Variants in RBMS3 observed in about 807,000 individuals in gnomAD.
The protein encoded by RBMS3 is RNA-binding motif, single-stranded-interacting protein 3.
Under a neutral mutation model 66.8 loss-of-function variants are expected in RBMS3, and 27 were observed. That is an observed-to-expected ratio of 0.40 (90% confidence interval 0.30 to 0.56). RBMS3 has a LOEUF of 0.56. Among genes scored for constraint, RBMS3 ranks in the 20% least tolerant of loss-of-function variants. The probability of loss-of-function intolerance (pLI) is 0.40; values close to 1 mark genes in which losing one functional copy is unlikely to be tolerated. For synonymous variants in RBMS3, 188 were observed against 183.0 expected (o/e 1.03, Z -0.22); for missense variants, 513 against 549.5 (o/e 0.93, Z 0.66).
chr3:29,995,658 A>T (rs922716416), intron 14 of RBMS3, among the ~76,000 whole-genome samples: 15 of 152,108 alleles, frequency 9.9e-5, no homozygotes, highest in African/African-American at 3.6e-4. Context: ...TTTCATATCC[A>T]GCCAAACTAA....
At chr3:29,541,842 C>G (rs1411426900) in intron 3 of RBMS3, among the ~76,000 whole-genome samples, 5 of 152,120 alleles carry the variant, frequency 3.3e-5, no homozygotes, top group Non-Finnish European at 5.9e-5. Flanking sequence ...CCGCAGCCCT[C>G]AGCCCTACTG....
At chr3:29,546,708 T>C (rs539746512) in intron 3 of RBMS3, among the ~76,000 whole-genome samples, 2 of 152,136 alleles carry the variant, frequency 1.3e-5, no homozygotes, top group Admixed American at 6.5e-5. Context: ...TATGATTGCA[T>C]TGGGCTGGGA....
At chr3:29,286,484 C>G (rs2032346972) in intron 1 of RBMS3, among the ~76,000 whole-genome samples, 1 of 151,950 alleles carries the variant, frequency 6.6e-6, no homozygotes, top group Admixed American at 6.6e-5. Flanking sequence ...TGGATTCAAA[C>G]TTAAGGAAAA....
chr3:29,953,304 A>G (rs1332045904), intron 12 of RBMS3, among the ~76,000 whole-genome samples: 1 of 151,908 alleles, frequency 6.6e-6, no homozygotes, highest in Non-Finnish European at 1.5e-5. Flanking sequence ...AATGTTAGAC[A>G]GAAAAAGGAG....
At chr3:29,467,441 A>T (rs1331054071) in intron 2 of RBMS3, among the ~76,000 whole-genome samples, 1 of 152,204 alleles carries the variant, frequency 6.6e-6, no homozygotes, top group African/African-American at 2.4e-5. Flanking sequence ...TATGTGTGTC[A>T]TGAAGCTGTG....
At chr3:29,835,765 T>C (rs2058489963) in intron 6 of RBMS3, among the ~76,000 whole-genome samples, 1 of 151,092 alleles carries the variant, frequency 6.6e-6, no homozygotes. Context: ...AGGAAGGAGA[T>C]AATAAAGATC....
intron 11 of RBMS3, among the ~76,000 whole-genome samples, chr3:29,942,356 A>G (rs2061411897): frequency 6.6e-6 from 1 of 150,508 alleles, no homozygotes; most frequent in Non-Finnish European, 1.5e-5. Context: ...CCATCACAAT[A>G]AAAAAAATTG....
At chr3:29,668,408 AT>A (rs2050856651) in intron 4 of RBMS3, among the ~76,000 whole-genome samples, 1 of 152,294 alleles carries the variant, frequency 6.6e-6, no homozygotes, top group Middle Eastern at 3.4e-3. Context: ...TGGCCCTGCC[AT>A]TTTGGTCAGC....
At chr3:30,001,046 AG>A (rs1311846282) in intron 14 of RBMS3, among the ~76,000 whole-genome samples, 1 of 150,768 alleles carries the variant, frequency 6.6e-6, no homozygotes, top group African/African-American at 2.4e-5. Context: ...AATAAAAAAA[AG>A]AAAAGAAAAA....
chr3:29,437,912 C>T (rs926572210), intron 2 of RBMS3, among the ~76,000 whole-genome samples: 11 of 152,274 alleles, frequency 7.2e-5, no homozygotes, highest in East Asian at 5.8e-4. Context: ...CCAATCCCCT[C>T]GTGCAGTGTT....
intron 13 of RBMS3, among the ~76,000 whole-genome samples, chr3:29,990,625 A>G: frequency 6.6e-6 from 1 of 152,318 alleles, no homozygotes; most frequent in Non-Finnish European, 1.5e-5. Context: ...ACTTAATAGC[A>G]TCCTTTAAAA....
chr3:29,904,553 T>A (rs2060330308), intron 10 of RBMS3, among the ~76,000 whole-genome samples: 1 of 152,012 alleles, frequency 6.6e-6, no homozygotes, highest in South Asian at 2.1e-4. Context: ...AAAGGTGTAC[T>A]TTCTTGAAAA....
intron 6 of RBMS3, among the ~76,000 whole-genome samples, chr3:29,864,843 G>C (rs2059308251): frequency 6.9e-6 from 1 of 145,658 alleles, no homozygotes; most frequent in African/African-American, 2.6e-5. Flanking sequence ...GAAGGGAAGG[G>C]AAGGGAAAGG....
rs35099344 is a variant in RBMS3 at position 29,475,251 on chromosome 3, C to CT, written c.249-13176dup. 9.3e-3 allele frequency among the ~76,000 whole-genome samples: 1,314 copies of CT among 140,816 alleles called. 11 individuals are homozygous for CT. Among genetic ancestry groups the CT allele is most frequent in the South Asian group, 0.02 (90 of 4,420 alleles). 92.4% of individuals were successfully genotyped at this position (140,816 alleles called of 152,430 possible). ...GGCTTTAATAAGTTTCTTTTCTTTTCTTTTTTTTTTTTTTGGAGACAGAGT... is the reference window on the plus strand; with the variant it reads ...GGCTTTAATAAGTTTCTTTTCTTTTCTTTTTTTTTTTTTTTGGAGACAGAGT... On this transcript the variant is annotated intron_variant, in intron 2 of 14. Transcript: ENST00000383767.
intron 1 of RBMS3, among the ~76,000 whole-genome samples, chr3:29,373,769 G>C (rs556869749): frequency 6.0e-4 from 91 of 152,340 alleles, no homozygotes; most frequent in African/African-American, 2.0e-3. Context: ...TGCAGGAAAT[G>C]AAATTCTAGG....
chr3:29,472,820 C>T (rs372437767), intron 2 of RBMS3, among the ~76,000 whole-genome samples: 21 of 152,066 alleles, frequency 1.4e-4, no homozygotes, highest in African/African-American at 3.6e-4. Flanking sequence ...TTGCAAAGAG[C>T]GAAAGAACAA....
intron 1 of RBMS3, among the ~76,000 whole-genome samples, chr3:29,288,692 A>G (rs1326641372): frequency 1.3e-5 from 2 of 152,030 alleles, no homozygotes; most frequent in East Asian, 3.9e-4. Flanking sequence ...CTTTAGTTTC[A>G]TGAATGATTA....
chr3:29,827,790 G>A (rs1385580488), intron 6 of RBMS3, among the ~76,000 whole-genome samples: 2 of 152,082 alleles, frequency 1.3e-5, no homozygotes, highest in East Asian at 3.9e-4. Context: ...CTATTGACAA[G>A]GTAATCCATA....
chr3:29,291,381 A>T (rs1272758962), intron 1 of RBMS3, among the ~76,000 whole-genome samples: 4 of 151,878 alleles, frequency 2.6e-5, no homozygotes, highest in Non-Finnish European at 1.5e-5. Context: ...TGTATTGGAA[A>T]ATGTCATTAA....
Sources: gnomAD v4.1 joint callset for allele counts (sites outside exome capture counted in the v4.1 genomes callset) on GRCh38, gnomAD v4.1.1 for gene constraint, MANE v1.5 for transcripts, NCBI Gene and HGNC (gene_info 2026-07-23, HGNC 2026-07-21) for gene names.